CDH13: variants seen among roughly 807,000 people sequenced by gnomAD.
CDH13 encodes cadherin-13.
In CDH13, 24 loss-of-function variants were observed where a neutral mutation model predicts 63.8. That is an observed-to-expected ratio of 0.38 (90% confidence interval 0.27 to 0.53). The LOEUF (loss-of-function observed/expected upper bound fraction) is 0.53. Among genes scored for constraint, CDH13 ranks in the 20% least tolerant of loss-of-function variants. The pLI is 0.85. For synonymous variants in CDH13, 503 were observed against 355.3 expected (o/e 1.42, Z -4.67); for missense variants, 1,049 against 903.1 (o/e 1.16, Z -2.07).
At chr16:82,636,924 C>A (rs1348555151) in intron 1 of CDH13, among the ~76,000 whole-genome samples, 1 of 152,174 alleles carries the variant, frequency 6.6e-6, no homozygotes, top group Non-Finnish European at 1.5e-5. Flanking sequence ...ACACCATGGA[C>A]CTGGATCCTG....
At chr16:82,848,507 T>A (rs1038082765) in intron 1 of CDH13, among the ~76,000 whole-genome samples, 1 of 152,320 alleles carries the variant, frequency 6.6e-6, no homozygotes, top group African/African-American at 2.4e-5. Context: ...TTCCTTTTTT[T>A]AAATTATTAC....
intron 6 of CDH13, among the ~76,000 whole-genome samples, chr16:83,378,035 C>T (rs879745592): frequency 6.6e-6 from 1 of 152,122 alleles, no homozygotes; most frequent in Non-Finnish European, 1.5e-5. Flanking sequence ...GGGCAGGCTG[C>T]TCTCAGTACC....
At chr16:83,516,313 G>A (rs961283744) in intron 7 of CDH13, among the ~76,000 whole-genome samples, 5 of 152,144 alleles carry the variant, frequency 3.3e-5, no homozygotes, top group African/African-American at 1.2e-4. Context: ...CAGAGTGGGG[G>A]CACCCTATAA....
intron 1 of CDH13, among the ~76,000 whole-genome samples, chr16:82,732,876 G>A (rs1464330430): frequency 6.6e-6 from 1 of 152,168 alleles, no homozygotes; most frequent in Non-Finnish European, 1.5e-5. Flanking sequence ...CATTACAGAG[G>A]AAGAGTCTGA....
intron 2 of CDH13, among the ~76,000 whole-genome samples, chr16:83,019,943 A>C (rs981624773): frequency 2.0e-5 from 3 of 151,736 alleles, no homozygotes; most frequent in African/African-American, 7.3e-5. Flanking sequence ...ACATAATTTT[A>C]TGTGCTTGAC....
At position 83,296,305 on chromosome 16, in the gene CDH13, T is replaced by C. The variant is rs150168344; in HGVS notation, c.637-48557T>C. ...ACAGATGAGAAAATTGAGACACTTA[T>C]ATTCACATATCCCACTCTAGGTCAG... On this transcript the variant is annotated intron_variant, in intron 5 of 13. Transcript: ENST00000567109. Among the ~76,000 whole-genome samples, 517 of 152,350 alleles carry C rather than the reference T, an allele frequency of 3.4e-3. 2 individuals are homozygous for C. Among genetic ancestry groups the C allele is most frequent in the Non-Finnish European group, 5.6e-3 (379 of 68,016 alleles).
At chr16:83,118,608 C>T (rs904107341) in intron 3 of CDH13, among the ~76,000 whole-genome samples, 8 of 152,220 alleles carry the variant, frequency 5.3e-5, no homozygotes, top group South Asian at 2.1e-4. Context: ...TCACTTCCTC[C>T]GTCCTGGTGT....
At chr16:83,560,682 T>C (rs1010766409) in intron 7 of CDH13, among the ~76,000 whole-genome samples, 6 of 152,270 alleles carry the variant, frequency 3.9e-5, no homozygotes, top group African/African-American at 1.4e-4. Context: ...TGCTGTGTGC[T>C]CTGCCGTTGA....
chr16:82,764,876 G>A (rs565838939), intron 1 of CDH13, among the ~76,000 whole-genome samples: 22 of 144,248 alleles, frequency 1.5e-4, no homozygotes, highest in African/African-American at 5.7e-4. Context: ...GTGCAATGTT[G>A]TAATCTTGGC....
chr16:82,693,120 C>T (rs1250904935), intron 1 of CDH13, among the ~76,000 whole-genome samples: 11 of 152,130 alleles, frequency 7.2e-5, no homozygotes, highest in Admixed American at 7.2e-4. Flanking sequence ...GTATAATAGC[C>T]TCAAAGGAAA....
At chr16:83,606,090 T>C (rs1049791232) in intron 8 of CDH13, among the ~76,000 whole-genome samples, 1 of 152,184 alleles carries the variant, frequency 6.6e-6, no homozygotes, top group Non-Finnish European at 1.5e-5. Context: ...AGATGGGGCT[T>C]ATGATCTTGA....
chr16:82,888,100 A>G (rs570666112), intron 2 of CDH13, among the ~76,000 whole-genome samples: 1 of 152,224 alleles, frequency 6.6e-6, no homozygotes, highest in South Asian at 2.1e-4. Flanking sequence ...GCCATCTAAG[A>G]CATTATTTTT....
intron 1 of CDH13, among the ~76,000 whole-genome samples, chr16:82,685,602 G>A (rs1214820578): frequency 6.6e-6 from 1 of 152,218 alleles, no homozygotes; most frequent in African/African-American, 2.4e-5. Flanking sequence ...CTGTGTGTGT[G>A]CACTTGCACA....
intron 9 of CDH13, among the ~76,000 whole-genome samples, chr16:83,676,975 T>C (rs1041019265): frequency 2.6e-5 from 4 of 152,238 alleles, no homozygotes; most frequent in African/African-American, 7.2e-5. Context: ...TGCTTACTTT[T>C]AGTTGAGTGT....
At chr16:83,665,046 AC>A (rs1166578870) in intron 8 of CDH13, among the ~76,000 whole-genome samples, 3 of 152,128 alleles carry the variant, frequency 2.0e-5, no homozygotes, top group Non-Finnish European at 4.4e-5. Context: ...ATAGAAGAAA[AC>A]CAGATATCTA....
At chr16:83,392,038 C>T (rs1008036741) in intron 6 of CDH13, among the ~76,000 whole-genome samples, 1 of 152,120 alleles carries the variant, frequency 6.6e-6, no homozygotes, top group Admixed American at 6.5e-5. Context: ...TAATTGTCAC[C>T]TCCCACTAAA....
chr16:83,071,408 G>A (rs2032428676), intron 3 of CDH13, among the ~76,000 whole-genome samples: 1 of 152,184 alleles, frequency 6.6e-6, no homozygotes, highest in African/African-American at 2.4e-5. Flanking sequence ...TAAGAGCCCA[G>A]TTGTAAACCT....
chr16:83,178,418 A>C (rs890739483), intron 4 of CDH13, among the ~76,000 whole-genome samples: 1 of 152,176 alleles, frequency 6.6e-6, no homozygotes, highest in African/African-American at 2.4e-5. Context: ...TGATAGTCTA[A>C]GATTCTTCTT....
intron 2 of CDH13, among the ~76,000 whole-genome samples, chr16:82,985,802 C>A (rs1001722733): frequency 2.0e-5 from 3 of 152,090 alleles, no homozygotes; most frequent in Non-Finnish European, 4.4e-5. Flanking sequence ...GGTTTACTAC[C>A]ATCTTGGTAC....
Sources: gnomAD v4.1 joint callset for allele counts (sites outside exome capture counted in the v4.1 genomes callset) on GRCh38, gnomAD v4.1.1 for gene constraint, MANE v1.5 for transcripts, NCBI Gene and HGNC (gene_info 2026-07-23, HGNC 2026-07-21) for gene names.